The following TAFA2 variants were observed in gnomAD, a reference collection of about 807,000 sequenced individuals.
TAFA2 encodes chemokine-like protein TAFA-2.
A neutral mutation model predicts 18.8 loss-of-function variants in TAFA2; 7 were observed. That is an observed-to-expected ratio of 0.37 (90% CI 0.21 to 0.70). TAFA2 has a LOEUF of 0.70. TAFA2 is among the 30% of genes least tolerant of loss of function. The pLI is 0.53. For missense variants in TAFA2, 122 were observed against 158.1 expected, an observed-to-expected ratio of 0.77 and a Z score of 1.23; for synonymous variants, 60 against 54.2, an observed-to-expected ratio of 1.11 and a Z score of -0.47.
At chr12:61,872,387 A>G (rs192330716) in intron 1 of TAFA2, among the ~76,000 whole-genome samples, 5 of 152,216 alleles carry the variant, frequency 3.3e-5, no homozygotes, top group Admixed American at 2.6e-4. Flanking sequence ...TTACAATGGC[A>G]TGGACCTTAA....
intron 1 of TAFA2, among the ~76,000 whole-genome samples, chr12:61,888,107 C>T (rs930993512): frequency 3.3e-5 from 5 of 151,866 alleles, no homozygotes; most frequent in East Asian, 1.9e-4. Context: ...TGTGGAGAAA[C>T]AGGAACACTT....
intron 1 of TAFA2, among the ~76,000 whole-genome samples, chr12:61,892,988 G>A (rs1384944909): frequency 6.6e-6 from 1 of 152,052 alleles, no homozygotes; most frequent in African/African-American, 2.4e-5. Flanking sequence ...CAACAATCTA[G>A]GCAATCGTAA....
chr12:61,949,143 A>C (rs537381203), intron 1 of TAFA2, among the ~76,000 whole-genome samples: 1 of 152,154 alleles, frequency 6.6e-6, no homozygotes, highest in African/African-American at 2.4e-5. Context: ...TGTCCTCCCT[A>C]CTGTGGATGG....
chr12:62,079,393 C>A (rs775917769), intron 1 of TAFA2, among the ~76,000 whole-genome samples: 1 of 151,992 alleles, frequency 6.6e-6, no homozygotes, highest in South Asian at 2.1e-4. Context: ...TGGCTCACAC[C>A]TGTAATCCCA....
intron 1 of TAFA2, among the ~76,000 whole-genome samples, chr12:62,060,169 A>G (rs1882306562): frequency 6.6e-6 from 1 of 152,228 alleles, no homozygotes; most frequent in Admixed American, 6.5e-5. Flanking sequence ...GGTGGGCTTT[A>G]GACTTTGTCT....
intron 1 of TAFA2, among the ~76,000 whole-genome samples, chr12:61,887,435 CT>C (rs56953703): frequency 0.064 from 9,394 of 146,396 alleles, 642 homozygotes; most frequent in East Asian, 0.34. Flanking sequence ...GAGCTAATTG[CT>C]TTTTTTTTTT....
chr12:62,037,258 G>C (rs1416137195), intron 1 of TAFA2, among the ~76,000 whole-genome samples: 1 of 152,096 alleles, frequency 6.6e-6, no homozygotes, highest in Non-Finnish European at 1.5e-5. Flanking sequence ...GAAAACTATT[G>C]CCCATCTGTG....
rs118150960 is a variant in TAFA2, at chr12:61,921,500, T to C, written c.-1-54074A>G. 8.8e-3 allele frequency among the ~76,000 whole-genome samples: 1,333 copies of C among 152,250 alleles called. 5 individuals carry two copies. Among genetic ancestry groups the C allele is most frequent in the Non-Finnish European group, 0.015 (1,002 of 68,010 alleles). ...CCCCTGTGTGAAATGGAAAAGGCTA[T>C]GGCTGAAACAGGAGACTTTTTGTTG... On this transcript the variant is annotated intron_variant, in intron 1 of 4. Coordinates refer to ENST00000416284, the MANE Select transcript of TAFA2 (RefSeq NM_178539.5).
chr12:61,939,344 A>G (rs531579968), intron 1 of TAFA2, among the ~76,000 whole-genome samples: 51 of 152,300 alleles, frequency 3.3e-4, no homozygotes, highest in African/African-American at 1.1e-3. Flanking sequence ...ACTCTTTTGA[A>G]ATTAATGACA....
At chr12:62,052,671 A>G (rs1254161819) in intron 1 of TAFA2, among the ~76,000 whole-genome samples, 3 of 152,166 alleles carry the variant, frequency 2.0e-5, no homozygotes, top group Admixed American at 6.5e-5. Flanking sequence ...TGATTCCATT[A>G]GAATGATGAA....
chr12:62,238,261 T>A (rs544100091), intron 1 of TAFA2, among the ~76,000 whole-genome samples: 1 of 152,210 alleles, frequency 6.6e-6, no homozygotes, highest in African/African-American at 2.4e-5. Flanking sequence ...CAGTGCTTTG[T>A]GGTCCTAGGG....
chr12:62,227,992 G>A (rs1390748806), intron 1 of TAFA2, among the ~76,000 whole-genome samples: 1 of 152,116 alleles, frequency 6.6e-6, no homozygotes, highest in Non-Finnish European at 1.5e-5. Flanking sequence ...TGGGTGCCAT[G>A]TTGTTTTGGT....
chr12:61,854,229 G>A (rs1259899873), intron 2 of TAFA2, among the ~76,000 whole-genome samples: 1 of 152,016 alleles, frequency 6.6e-6, no homozygotes, highest in Non-Finnish European at 1.5e-5. Flanking sequence ...AAACAAAAAT[G>A]AAGAGCACTT....
intron 1 of TAFA2, among the ~76,000 whole-genome samples, chr12:62,205,078 C>T (rs1592399864): frequency 6.6e-6 from 1 of 152,226 alleles, no homozygotes; most frequent in Admixed American, 6.5e-5. Flanking sequence ...AGTCAGGCCC[C>T]TTTTCCATGG....
intron 1 of TAFA2, among the ~76,000 whole-genome samples, chr12:61,931,501 G>C (rs999836667): frequency 1.3e-5 from 2 of 152,212 alleles, no homozygotes; most frequent in African/African-American, 2.4e-5. Flanking sequence ...TACGGAAACA[G>C]TGAATGAGAA....
At chr12:62,058,899 C>T (rs571455271) in intron 1 of TAFA2, among the ~76,000 whole-genome samples, 1 of 152,034 alleles carries the variant, frequency 6.6e-6, no homozygotes, top group Non-Finnish European at 1.5e-5. Flanking sequence ...GCCAGGCGAT[C>T]GAGACTATCC....
At chr12:61,725,747 A>G (rs1483285889) in intron 4 of TAFA2, among the ~76,000 whole-genome samples, 2 of 152,090 alleles carry the variant, frequency 1.3e-5, no homozygotes, top group Admixed American at 6.6e-5. Flanking sequence ...GCTTTTGCTT[A>G]GTCTTGCTTT....
chr12:62,015,683 A>T (rs1880915015), intron 1 of TAFA2, among the ~76,000 whole-genome samples: 2 of 152,238 alleles, frequency 1.3e-5, no homozygotes, highest in Admixed American at 6.5e-5. Flanking sequence ...TACACTATTT[A>T]TTGCAAGACA....
At chr12:62,013,963 G>A (rs1880847680) in intron 1 of TAFA2, among the ~76,000 whole-genome samples, 1 of 151,998 alleles carries the variant, frequency 6.6e-6, no homozygotes. Flanking sequence ...AACTATCTTG[G>A]ACCCACTTTC....
Sources: allele counts gnomAD v4.1 joint callset (sites outside exome capture counted in the v4.1 genomes callset), GRCh38; gene constraint gnomAD v4.1.1; transcripts MANE v1.5; gene names NCBI Gene and HGNC (gene_info 2026-07-23, HGNC 2026-07-21).